The following AKAP6 variants were observed in gnomAD, a reference collection of about 807,000 sequenced individuals.
The protein encoded by AKAP6 is A-kinase anchoring protein 6, also known as A-kinase anchor protein 6.
AKAP6 carries 58 observed loss-of-function variants against 188.5 expected under a neutral mutation model. The observed-to-expected ratio is 0.31, with a 90% CI of 0.25 to 0.38. AKAP6 has a LOEUF of 0.38. Ranked by LOEUF, AKAP6 falls within the 10% of genes least tolerant of loss-of-function variation. The pLI, the probability that AKAP6 is intolerant of heterozygous loss-of-function variation, is 1.00. For missense variants in AKAP6, 2,710 were observed against 2,740.0 expected (o/e 0.99, Z 0.24); for synonymous variants, 989 against 998.6 (o/e 0.99, Z 0.18).
At chr14:32,658,775 T>G (rs958376680) in intron 7 of AKAP6, among the ~76,000 whole-genome samples, 5 of 142,620 alleles carry the variant, frequency 3.5e-5, no homozygotes, top group Non-Finnish European at 7.8e-5. Flanking sequence ...TTTTAAAGTC[T>G]TCTTTAAAAA....
intron 2 of AKAP6, among the ~76,000 whole-genome samples, chr14:32,434,761 A>T (rs1890328100): frequency 6.6e-6 from 1 of 152,234 alleles, no homozygotes; most frequent in Admixed American, 6.5e-5. Context: ...GGGAAAGATG[A>T]GCACTTAAAA....
chr14:32,513,453 T>C (rs1361828595), intron 2 of AKAP6, among the ~76,000 whole-genome samples: 1 of 152,170 alleles, frequency 6.6e-6, no homozygotes, highest in African/African-American at 2.4e-5. Flanking sequence ...CCACCTGACA[T>C]AGAGCCCTAA....
At chr14:32,638,263 G>A (rs1271181889) in intron 7 of AKAP6, among the ~76,000 whole-genome samples, 2 of 152,056 alleles carry the variant, frequency 1.3e-5, no homozygotes, top group Non-Finnish European at 2.9e-5. Flanking sequence ...GATGAAGACC[G>A]GCAAGGATGA....
Position 32,823,661 on chromosome 14 carries a change from A to C in AKAP6, c.5848A>C (p.Lys1950Gln). 1 of 1,613,854 alleles carries C rather than the reference A, an allele frequency of 6.2e-7. No homozygotes were observed. ...TTTAGATGATTCAAATACTGCTGGCAAGGAATTTGTTTCCCAAGATGTTAG... is the reference window on the plus strand; with the variant it reads ...TTTAGATGATTCAAATACTGCTGGCCAGGAATTTGTTTCCCAAGATGTTAG... ...DSLDDSNTAG[K>Q]EFVSQDVRHL... The change falls in exon 13 of 14, where the codon AAG (lysine) becomes CAG (glutamine). Residue 1950 changes from lysine to glutamine, a missense_variant. Coordinates refer to ENST00000280979, the MANE Select transcript of AKAP6 (RefSeq NM_004274.5).
At chr14:32,383,087 ATGTGTGTGTGTGTGTGTG>A (rs3031402) in intron 1 of AKAP6, among the ~76,000 whole-genome samples, 16 of 143,268 alleles carry the variant, frequency 1.1e-4, no homozygotes, top group East Asian at 4.0e-4. Context: ...GGCAGATTTT[ATGTGTGTGTGTGTGTGTG>A]TGTGTGTGTG....
chr14:32,441,425 G>T (rs949677890), intron 2 of AKAP6, among the ~76,000 whole-genome samples: 1 of 152,208 alleles, frequency 6.6e-6, no homozygotes, highest in Non-Finnish European at 1.5e-5. Flanking sequence ...GTGGGAAAAA[G>T]TCTATCTCAA....
At chr14:32,378,714 G>C (rs1317719700) in intron 1 of AKAP6, among the ~76,000 whole-genome samples, 1 of 152,132 alleles carries the variant, frequency 6.6e-6, no homozygotes, top group African/African-American at 2.4e-5. Flanking sequence ...ACTAGTAACT[G>C]CTTTTTAGGA....
chr14:32,629,913 A>T (rs1471102188), intron 7 of AKAP6, among the ~76,000 whole-genome samples: 1 of 152,018 alleles, frequency 6.6e-6, no homozygotes, highest in Non-Finnish European at 1.5e-5. Flanking sequence ...AGAAAATTAA[A>T]TTTTTTTAAA....
intron 12 of AKAP6, among the ~76,000 whole-genome samples, chr14:32,795,873 A>T (rs978202759): frequency 3.3e-5 from 5 of 152,184 alleles, no homozygotes; most frequent in African/African-American, 1.2e-4. Flanking sequence ...ATGATTCTAT[A>T]CCTAGAGAAC....
At chr14:32,750,608 G>A (rs1234393301) in intron 11 of AKAP6, among the ~76,000 whole-genome samples, 3 of 151,984 alleles carry the variant, frequency 2.0e-5, no homozygotes, top group African/African-American at 7.2e-5. Flanking sequence ...GTGGGTGCCT[G>A]TAGTCTTAGA....
rs570274422 is a variant in AKAP6 at position 32,791,705 on chromosome 14, T to C, written c.3588+17812T>C. ...CAGGAAGTCTTTGCCCATGCCTATG[T>C]CCTGAATGATATTGCCTAGGTTTTC... On this transcript the variant is annotated intron_variant, in intron 12 of 13. Transcript: ENST00000280979. Among the ~76,000 whole-genome samples the C allele has an allele frequency of 3.9e-5, 6 of 152,200 alleles. No individual in the cohort carries two copies. In the South Asian group the frequency reaches 1.2e-3, roughly 31 times the overall value.
intron 2 of AKAP6, among the ~76,000 whole-genome samples, chr14:32,436,184 T>G (rs1038649026): frequency 8.5e-5 from 13 of 152,206 alleles, no homozygotes; most frequent in African/African-American, 3.1e-4. Flanking sequence ...CCCAATTTAT[T>G]AATTTACAGT....
intron 5 of AKAP6, among the ~76,000 whole-genome samples, chr14:32,581,085 G>C (rs939782719): frequency 1.3e-5 from 2 of 152,162 alleles, no homozygotes; most frequent in Admixed American, 6.5e-5. Context: ...GGATGGCTGG[G>C]TCAAGTGGTA....
intron 7 of AKAP6, among the ~76,000 whole-genome samples, chr14:32,661,684 G>A (rs1888706762): frequency 1.3e-5 from 2 of 152,066 alleles, no homozygotes; most frequent in Non-Finnish European, 2.9e-5. Context: ...CATGGTTTCA[G>A]GACTACTGGT....
chr14:32,359,532 A>C (rs1411154786), intron 1 of AKAP6, among the ~76,000 whole-genome samples: 2 of 151,678 alleles, frequency 1.3e-5, no homozygotes, highest in East Asian at 3.9e-4. Flanking sequence ...AGAAATTAAT[A>C]CATTACTATT....
chr14:32,540,199 T>A (rs11849668), intron 3 of AKAP6, among the ~76,000 whole-genome samples: 10,071 of 131,602 alleles, frequency 0.077, 454 homozygotes, highest in Admixed American at 0.11. Context: ...TATATTTTAA[T>A]TTTTTATTTT....
chr14:32,385,091 G>A (rs1458821820), intron 1 of AKAP6: 6 of 151,738 alleles, frequency 4.0e-5, no homozygotes, highest in Non-Finnish European at 7.4e-5. Context: ...TGCTGTCGCT[G>A]GTCTTGCTTG....
chr14:32,546,012 C>T lies in AKAP6; in HGVS notation c.1359C>T (p.Ser453=). The change falls in exon 4 of 14, where the codon AGC becomes AGT. Residue 453 remains serine (S), a synonymous_variant. Coordinates refer to ENST00000280979, the MANE Select transcript of AKAP6 (RefSeq NM_004274.5). ...SSYPNSPSAA[S]QSYECLHKVG... ...ACCCCAACAGCCCTTCTGCTGCCAGCCAGTCTTATGAGTGTTTACACAAGG... is the reference window on the plus strand; with the variant it reads ...ACCCCAACAGCCCTTCTGCTGCCAGTCAGTCTTATGAGTGTTTACACAAGG... 1.9e-6 allele frequency: 3 copies of T among 1,614,114 alleles called. No homozygotes were observed. Among genetic ancestry groups the T allele is most frequent in the Non-Finnish European group, 2.5e-6 (3 of 1,180,014 alleles).
At chr14:32,660,334 G>C (rs1888633980) in intron 7 of AKAP6, among the ~76,000 whole-genome samples, 1 of 152,096 alleles carries the variant, frequency 6.6e-6, no homozygotes, top group African/African-American at 2.4e-5. Context: ...TCCCCATTGT[G>C]CCACCATTAA....
Sources: gnomAD v4.1 joint callset for allele counts (sites outside exome capture counted in the v4.1 genomes callset) on GRCh38, gnomAD v4.1.1 for gene constraint, MANE v1.5 for transcripts, NCBI Gene and HGNC (gene_info 2026-07-23, HGNC 2026-07-21) for gene names.